The following ADCY8 variants were observed in gnomAD, a reference collection of about 807,000 sequenced individuals.
The protein encoded by ADCY8 is adenylate cyclase type 8.
In ADCY8, 51 loss-of-function variants were observed where a neutral mutation model predicts 119.7. The ratio of observed to expected loss-of-function variants is 0.43; its 90% CI spans 0.34 to 0.54. The LOEUF (loss-of-function observed/expected upper bound fraction) is 0.54. ADCY8 is among the 20% of genes least tolerant of loss of function. ADCY8 has a pLI of 0.03. For synonymous variants in ADCY8, 665 were observed against 651.0 expected (o/e 1.02, Z -0.33); for missense variants, 1,383 against 1,598.8 (o/e 0.87, Z 2.30).
In ADCY8 at chr8:131,039,904, T is replaced by G; in HGVS notation, c.430A>C (p.Asn144His). ...ACCCCTCGGTAGCTATAGCCCCCAT[T>G]AAGAAAGAAATCCGAGTTGCTAGGG... ...CAPSNSDFFL[N>H]GGYSYRGVIF... The change falls in exon 1 of 18, where the codon AAT (asparagine) becomes CAT (histidine). Residue 144 changes from asparagine to histidine, a missense_variant. Around this residue, in one of 2 missense-constraint regions of ADCY8, gnomAD observed 455 missense variants for 435.3 expected, o/e 1.05. Transcript: ENST00000286355. 1 of 1,613,010 alleles carries G rather than the reference T, an allele frequency of 6.2e-7. No homozygotes were observed. Among genetic ancestry groups the G allele is most frequent in the Non-Finnish European group, 8.5e-7 (1 of 1,179,482 alleles).
intron 9 of ADCY8, among the ~76,000 whole-genome samples, chr8:130,850,499 C>T (rs1361452192): frequency 6.6e-6 from 1 of 152,232 alleles, no homozygotes; most frequent in African/African-American, 2.4e-5. Context: ...CCCTATCAAC[C>T]TATTTATCAC....
At chr8:130,927,303 A>T (rs1563731959) in intron 5 of ADCY8, among the ~76,000 whole-genome samples, 1 of 152,092 alleles carries the variant, frequency 6.6e-6, no homozygotes, top group Non-Finnish European at 1.5e-5. Flanking sequence ...GTGTGAAGTG[A>T]TATCTCATTG....
intron 5 of ADCY8, among the ~76,000 whole-genome samples, chr8:130,921,247 TAAG>T: frequency 6.6e-6 from 1 of 152,086 alleles, no homozygotes; most frequent in South Asian, 2.1e-4. Flanking sequence ...ATAGATGTAT[TAAG>T]AAGTGGAGGT....
chr8:130,955,160 A>G (rs1267684086), intron 2 of ADCY8, among the ~76,000 whole-genome samples: 1 of 152,186 alleles, frequency 6.6e-6, no homozygotes, highest in Non-Finnish European at 1.5e-5. Context: ...AATGGCATGG[A>G]AAGATACGCA....
chr8:130,796,724 C>T (rs1012904985), intron 15 of ADCY8, among the ~76,000 whole-genome samples: 1 of 150,972 alleles, frequency 6.6e-6, no homozygotes, highest in Admixed American at 6.6e-5. Context: ...TGACTATATT[C>T]TCCCCTACCT....
intron 2 of ADCY8, among the ~76,000 whole-genome samples, chr8:130,953,600 C>G (rs1322354417): frequency 6.6e-6 from 1 of 152,132 alleles, no homozygotes; most frequent in Non-Finnish European, 1.5e-5. Flanking sequence ...AGTTTAGATT[C>G]CAACTCTATC....
intron 2 of ADCY8, among the ~76,000 whole-genome samples, chr8:130,958,078 C>T (rs1821485777): frequency 6.6e-6 from 1 of 152,120 alleles, no homozygotes; most frequent in Admixed American, 6.5e-5. Flanking sequence ...GGTAGATCTA[C>T]CAATAGTTTG....
At chr8:130,976,513 G>A (rs1026996203) in intron 2 of ADCY8, among the ~76,000 whole-genome samples, 1 of 152,020 alleles carries the variant, frequency 6.6e-6, no homozygotes, top group African/African-American at 2.4e-5. Context: ...TGCTTCAGAG[G>A]TTATTTGAAC....
At chr8:130,961,513 G>A (rs564002062) in intron 2 of ADCY8, among the ~76,000 whole-genome samples, 69 of 151,942 alleles carry the variant, frequency 4.5e-4, no homozygotes, top group South Asian at 4.2e-4. Context: ...TCACAGCTCC[G>A]AATCATCCTT....
At chr8:131,006,013 C>A (rs891214116) in intron 1 of ADCY8, among the ~76,000 whole-genome samples, 1 of 152,064 alleles carries the variant, frequency 6.6e-6, no homozygotes, top group Non-Finnish European at 1.5e-5. Flanking sequence ...GCTCCCACTC[C>A]AAATTCTCTC....
intron 1 of ADCY8, among the ~76,000 whole-genome samples, chr8:131,022,329 G>A (rs549725969): frequency 6.6e-6 from 1 of 152,172 alleles, no homozygotes; most frequent in African/African-American, 2.4e-5. Context: ...GTGTCCATGT[G>A]TTCTCATTGC....
At chr8:130,848,614 T>C (rs1382495801) in intron 10 of ADCY8, among the ~76,000 whole-genome samples, 2 of 152,074 alleles carry the variant, frequency 1.3e-5, no homozygotes, top group Non-Finnish European at 2.9e-5. Flanking sequence ...ATAGCTTGGG[T>C]CCCTGCACAC....
intron 4 of ADCY8, among the ~76,000 whole-genome samples, chr8:130,938,262 G>A (rs547203711): frequency 6.6e-6 from 1 of 152,264 alleles, no homozygotes; most frequent in South Asian, 2.1e-4. Context: ...CACTATGAGG[G>A]TTAAGTGAGA....
chr8:131,006,888 G>A (rs1823136060), intron 1 of ADCY8, among the ~76,000 whole-genome samples: 1 of 152,136 alleles, frequency 6.6e-6, no homozygotes, highest in Non-Finnish European at 1.5e-5. Context: ...CTCAAACAGA[G>A]GATTTCAGTT....
At chr8:130,973,003 T>C (rs1821969448) in intron 2 of ADCY8, among the ~76,000 whole-genome samples, 1 of 152,330 alleles carries the variant, frequency 6.6e-6, no homozygotes, top group South Asian at 2.1e-4. Flanking sequence ...TCCACATTTA[T>C]TTTCTTTTAC....
chr8:130,990,266 A>G, intron 2 of ADCY8, 127 bp downstream of exon 2: 1 of 1,259,864 alleles, frequency 7.9e-7, no homozygotes, highest in Non-Finnish European at 1.1e-6. Flanking sequence ...AGACTCTGGA[A>G]TCCTGTGACA....
chr8:130,909,669 A>G (rs1445583760), intron 6 of ADCY8, 39 bp downstream of exon 6: 12 of 1,611,594 alleles, frequency 7.4e-6, no homozygotes, highest in Non-Finnish European at 1.0e-5. Context: ...TAAGCCAATG[A>G]CAACCGTTAA....
At chr8:130,968,527 A>C (rs1216077543) in intron 2 of ADCY8, among the ~76,000 whole-genome samples, 2 of 152,214 alleles carry the variant, frequency 1.3e-5, no homozygotes, top group Non-Finnish European at 2.9e-5. Context: ...ATGGCAGTGA[A>C]AAAAACAGTC....
chr8:130,824,165 T>C (rs1816602991), intron 12 of ADCY8, among the ~76,000 whole-genome samples: 1 of 152,210 alleles, frequency 6.6e-6, no homozygotes. Context: ...ATTTTTAGTT[T>C]ATTATTAGTT....
Sources: allele counts gnomAD v4.1 joint callset (sites outside exome capture counted in the v4.1 genomes callset), GRCh38; gene constraint gnomAD v4.1.1; regional missense constraint gnomAD v4.1.1; transcripts MANE v1.5; gene names NCBI Gene and HGNC (gene_info 2026-07-23, HGNC 2026-07-21).